Variants in CCDC91 observed in about 807,000 individuals in gnomAD.
The protein encoded by CCDC91 is coiled-coil domain-containing protein 91.
A neutral mutation model predicts 63.2 loss-of-function variants in CCDC91; 48 were observed. That is an observed-to-expected ratio of 0.76 (90% CI 0.60 to 0.97). The LOEUF is 0.97. Ranked by LOEUF, CCDC91 falls within the 50% of genes least tolerant of loss-of-function variation. The pLI, the probability that CCDC91 is intolerant of heterozygous loss-of-function variation, is 0.00. For synonymous variants in CCDC91, 167 were observed against 165.8 expected, an observed-to-expected ratio of 1.01 and a Z score of -0.06; for missense variants, 500 against 494.6, an observed-to-expected ratio of 1.01 and a Z score of -0.10.
At position 28,550,065 on chromosome 12, in the gene CCDC91, TG is replaced by T. The variant is rs1465058548; in HGVS notation, c.*893del. Reference sequence around the variant, plus strand: ...AAAACTAAAATGTCATTAATATGTATGTATGCAAATGTTTTATCTTATTTTC... The same window carrying T: ...AAAACTAAAATGTCATTAATATGTATTATGCAAATGTTTTATCTTATTTTC... On this transcript the variant is annotated 3_prime_UTR_variant, in exon 13 of 13. Coordinates refer to ENST00000536442, the MANE Select transcript of CCDC91 (RefSeq NM_018318.5). The T allele has an allele frequency of 2.0e-5, 3 of 152,534 alleles. No individual in the cohort carries two copies. The highest frequency in any genetic ancestry group is 3.2e-3 in the Middle Eastern group (1 of 316). The allele number at this position is 152,534 out of a possible 1,614,324, so 9.4% of individuals were successfully genotyped here. A position where few individuals can be genotyped will look rare whatever the true frequency, so the allele number is the denominator to read the frequency against.
In CCDC91 at chr12:28,362,522, G is replaced by C. The variant is rs774251305; in HGVS notation, c.654+7G>C. 2 of 1,547,680 alleles carry C rather than the reference G, an allele frequency of 1.3e-6. No individual in the cohort carries two copies. The highest frequency in any genetic ancestry group is 8.7e-7 in the Non-Finnish European group (1 of 1,144,044). On this transcript the variant is annotated splice_region_variant and intron_variant, in intron 7 of 12. Transcript: ENST00000536442. ...TATTGTGGATGAATATAAGGTAGAG[G>C]TTTGAGAGTGTTTACTTTTTTAAAC...
intron 1 of CCDC91, among the ~76,000 whole-genome samples, chr12:28,201,580 G>A (rs1311413139): frequency 1.3e-4 from 18 of 138,102 alleles, no homozygotes; most frequent in South Asian, 2.3e-4. Flanking sequence ...CACGTCCCAG[G>A]CGATGGGCGG....
intron 8 of CCDC91, among the ~76,000 whole-genome samples, chr12:28,409,450 T>G (rs1947178895): frequency 6.6e-6 from 1 of 152,126 alleles, no homozygotes; most frequent in African/African-American, 2.4e-5. Context: ...TTTCTTTCTT[T>G]TTGCTGATTA....
chr12:28,206,142 C>G (rs1168062682), intron 1 of CCDC91, among the ~76,000 whole-genome samples: 1 of 152,162 alleles, frequency 6.6e-6, no homozygotes, highest in Non-Finnish European at 1.5e-5. Flanking sequence ...TCACATTCAG[C>G]ATGAGCAACT....
At chr12:28,210,954 T>G (rs983827738) in intron 1 of CCDC91, among the ~76,000 whole-genome samples, 4 of 151,640 alleles carry the variant, frequency 2.6e-5, no homozygotes, top group African/African-American at 9.7e-5. Context: ...TTTCTTTTTC[T>G]TCTTTCAGGT....
intron 8 of CCDC91, among the ~76,000 whole-genome samples, chr12:28,417,530 T>G (rs1048872996): frequency 1.4e-4 from 22 of 151,834 alleles, no homozygotes; most frequent in Non-Finnish European, 4.4e-5. Flanking sequence ...GTATTTTTCT[T>G]TTGTCTTTTT....
intron 11 of CCDC91, among the ~76,000 whole-genome samples, chr12:28,454,233 A>G (rs1190589994): frequency 2.6e-5 from 4 of 152,080 alleles, no homozygotes; most frequent in Admixed American, 6.6e-5. Flanking sequence ...TTGACTCTAT[A>G]TGTTGGTTTC....
intron 8 of CCDC91, among the ~76,000 whole-genome samples, chr12:28,432,862 C>T (rs1447904801): frequency 1.3e-5 from 2 of 152,110 alleles, no homozygotes; most frequent in African/African-American, 2.4e-5. Context: ...ATTGCTCTTG[C>T]TCCACATTCT....
At chr12:28,248,557 T>C (rs1055405267) in intron 1 of CCDC91, among the ~76,000 whole-genome samples, 2 of 152,068 alleles carry the variant, frequency 1.3e-5, no homozygotes, top group Non-Finnish European at 2.9e-5. Flanking sequence ...AGGAGTATGA[T>C]AGTCTTATAT....
At chr12:28,527,726 G>A (rs1941392865) in intron 12 of CCDC91, among the ~76,000 whole-genome samples, 1 of 152,184 alleles carries the variant, frequency 6.6e-6, no homozygotes, top group South Asian at 2.1e-4. Context: ...GATGGTGGCA[G>A]GGCTAGGCAT....
At chr12:28,204,059 G>T (rs1338892385) in intron 1 of CCDC91, among the ~76,000 whole-genome samples, 1 of 151,976 alleles carries the variant, frequency 6.6e-6, no homozygotes, top group Non-Finnish European at 1.5e-5. Context: ...AATTATTGAA[G>T]GTAAATGATC....
chr12:28,480,975 T>C (rs1951415163), intron 11 of CCDC91, among the ~76,000 whole-genome samples: 1 of 152,000 alleles, frequency 6.6e-6, no homozygotes, highest in African/African-American at 2.4e-5. Flanking sequence ...AGAGAAATTA[T>C]AACATCTTAT....
In CCDC91 at chr12:28,326,732, G is replaced by A. The variant is rs546427481; in HGVS notation, c.576+18983G>A. 2.7e-4 allele frequency among the ~76,000 whole-genome samples: 41 copies of A among 151,930 alleles called. 2 individuals carry two copies. The South Asian group carries it at 8.1e-3, about 30-fold the overall frequency. On this transcript the variant is annotated intron_variant, in intron 6 of 12. Transcript: ENST00000536442. The stretch of plus-strand genomic sequence containing the variant: ...CATTCTATTTATAGAAAATTCCACA[G>A]CTAATTTTAAAAAAAGAAACAAGTG...
In CCDC91 at chr12:28,461,073, C is replaced by A. The variant is rs187180548; in HGVS notation, c.1101+8419C>A. On this transcript the variant is annotated intron_variant, in intron 11 of 12. Transcript: ENST00000536442. ...ATACAGCATGTTACTGTGCTGAGTA[C>A]TATAGGCAGTTGTAACACAATGGTA... Among the ~76,000 whole-genome samples, 339 of 151,824 alleles carry A rather than the reference C, an allele frequency of 2.2e-3. 6 individuals carry two copies. Among genetic ancestry groups the A allele is most frequent in the African/African-American group, 7.7e-3 (318 of 41,388 alleles).
intron 11 of CCDC91, among the ~76,000 whole-genome samples, chr12:28,482,568 A>G (rs1951505462): frequency 6.6e-6 from 1 of 151,946 alleles, no homozygotes; most frequent in Non-Finnish European, 1.5e-5. Flanking sequence ...AATGCTCAAC[A>G]TCACTTGGTA....
At chr12:28,210,517 A>G (rs1217914757) in intron 1 of CCDC91, among the ~76,000 whole-genome samples, 1 of 152,184 alleles carries the variant, frequency 6.6e-6, no homozygotes, top group East Asian at 1.9e-4. Context: ...ATTACTGGCT[A>G]TAGGATGAAG....
At chr12:28,239,005 G>C (rs1945151123) in intron 1 of CCDC91, among the ~76,000 whole-genome samples, 1 of 151,880 alleles carries the variant, frequency 6.6e-6, no homozygotes, top group Non-Finnish European at 1.5e-5. Context: ...TGTAATCCCA[G>C]CTACTCGGGA....
chr12:28,524,472 A>G (rs1387558980), intron 12 of CCDC91, among the ~76,000 whole-genome samples: 1 of 152,112 alleles, frequency 6.6e-6, no homozygotes, highest in Non-Finnish European at 1.5e-5. Context: ...ATGCTGGATT[A>G]TCTCTGATAT....
intron 8 of CCDC91, among the ~76,000 whole-genome samples, chr12:28,438,425 A>G (rs1457025679): frequency 6.6e-6 from 1 of 152,170 alleles, no homozygotes; most frequent in Non-Finnish European, 1.5e-5. Flanking sequence ...CACCAGATAC[A>G]GAACCTAACC....
Sources: gnomAD v4.1 joint callset for allele counts (sites outside exome capture counted in the v4.1 genomes callset) on GRCh38, gnomAD v4.1.1 for gene constraint, MANE v1.5 for transcripts, NCBI Gene and HGNC (gene_info 2026-07-23, HGNC 2026-07-21) for gene names.